The following ITGB5 variants were observed in gnomAD, a reference collection of about 807,000 sequenced individuals.
The protein encoded by ITGB5 is integrin beta-5.
A neutral mutation model predicts 84.8 loss-of-function variants in ITGB5; 38 were observed. The observed-to-expected ratio is 0.45, with a 90% CI of 0.35 to 0.59. ITGB5 has a LOEUF of 0.59. Among genes scored for constraint, ITGB5 ranks in the 20% least tolerant of loss-of-function variants. The pLI is 0.01. For missense variants in ITGB5, 905 were observed against 1,034.5 expected, an observed-to-expected ratio of 0.87 and a Z score of 1.72; for synonymous variants, 393 against 414.4, an observed-to-expected ratio of 0.95 and a Z score of 0.63.
At chr3:124,801,527 TGAG>T (rs2064315679) in intron 9 of ITGB5, among the ~76,000 whole-genome samples, 1 of 152,176 alleles carries the variant, frequency 6.6e-6, no homozygotes, top group Non-Finnish European at 1.5e-5. Flanking sequence ...GCTGTGATAA[TGAG>T]GAGGCGAGGT....
At chr3:124,849,229 A>G (rs1387301772) in intron 3 of ITGB5, among the ~76,000 whole-genome samples, 1 of 152,202 alleles carries the variant, frequency 6.6e-6, no homozygotes, top group Admixed American at 6.5e-5. Context: ...CCCACCAACC[A>G]CATACCAACT....
intron 9 of ITGB5, among the ~76,000 whole-genome samples, chr3:124,801,187 G>A (rs1267069290): frequency 6.6e-6 from 1 of 152,202 alleles, no homozygotes; most frequent in African/African-American, 2.4e-5. Flanking sequence ...TTCACTGGCT[G>A]CTTTGTGCTG....
At chr3:124,821,245 G>T in intron 6 of ITGB5, 68 bp downstream of exon 6, 2 of 1,525,036 alleles carry the variant, frequency 1.3e-6, no homozygotes, top group Non-Finnish European at 1.8e-6. Context: ...GGCTGGGCAA[G>T]TACTAAGACC....
chr3:124,794,880 A>G (rs1283694521), intron 10 of ITGB5, among the ~76,000 whole-genome samples: 31 of 152,168 alleles, frequency 2.0e-4, no homozygotes, highest in Non-Finnish European at 2.1e-4. Flanking sequence ...AAATAAAAAA[A>G]GGTGAATGTA....
chr3:124,799,482 C>T (rs563860984), intron 9 of ITGB5, among the ~76,000 whole-genome samples: 68 of 152,244 alleles, frequency 4.5e-4, no homozygotes, highest in African/African-American at 1.6e-3. Context: ...ATGGCTTGAG[C>T]CCGGGAGGGG....
intron 1 of ITGB5, among the ~76,000 whole-genome samples, chr3:124,897,254 T>C (rs375392290): frequency 7.9e-5 from 12 of 152,296 alleles, no homozygotes; most frequent in African/African-American, 2.9e-4. Context: ...TTTGTTTTTG[T>C]TGTTATTGTT....
rs752051463 is a variant in ITGB5 at position 124,766,212 on chromosome 3, C to T, written c.2137+14G>A. On this transcript the variant is annotated intron_variant, in intron 13 of 14. Transcript: ENST00000296181. ...GCTGGCTGAGTGGGCCGAGCCCTTG[C>T]AGCCCTCACCTACCTGGCTCCCTGA... 3 of 1,611,486 alleles carry T rather than the reference C, an allele frequency of 1.9e-6. No homozygotes were observed. Among genetic ancestry groups the T allele is most frequent in the Admixed American group, 1.7e-5 (1 of 59,772 alleles).
At chr3:124,804,535 A>G (rs1289661779) in intron 9 of ITGB5, among the ~76,000 whole-genome samples, 2 of 152,150 alleles carry the variant, frequency 1.3e-5, no homozygotes, top group African/African-American at 2.4e-5. Context: ...TAACAAGAGC[A>G]AGACCCTGTC....
intron 9 of ITGB5, among the ~76,000 whole-genome samples, chr3:124,802,165 G>A (rs1426587668): frequency 2.0e-5 from 3 of 152,206 alleles, no homozygotes; most frequent in South Asian, 2.1e-4. Context: ...ACCAGACTCT[G>A]AGCCCCTGAT....
At chr3:124,875,753 A>T (rs1229896845) in intron 1 of ITGB5, among the ~76,000 whole-genome samples, 1 of 152,234 alleles carries the variant, frequency 6.6e-6, no homozygotes, top group African/African-American at 2.4e-5. Context: ...CAATCAACAG[A>T]CAGATGAATA....
At chr3:124,803,821 G>A (rs968392505) in intron 9 of ITGB5, among the ~76,000 whole-genome samples, 4 of 152,198 alleles carry the variant, frequency 2.6e-5, no homozygotes, top group Non-Finnish European at 4.4e-5. Context: ...CCAAGAAGCC[G>A]GATAAAGGTG....
intron 11 of ITGB5, among the ~76,000 whole-genome samples, chr3:124,772,372 A>G (rs1396387565): frequency 6.6e-6 from 1 of 152,166 alleles, no homozygotes; most frequent in African/African-American, 2.4e-5. Flanking sequence ...CAAATGTCCA[A>G]CCAGGGGTTC....
chr3:124,775,586 T>C (rs1440851790), intron 10 of ITGB5, among the ~76,000 whole-genome samples: 2 of 152,222 alleles, frequency 1.3e-5, no homozygotes, highest in South Asian at 4.1e-4. Context: ...ATTATTTTTT[T>C]CCCTAATGCC....
chr3:124,803,676 G>A (rs1404580160), intron 9 of ITGB5, among the ~76,000 whole-genome samples: 1 of 152,196 alleles, frequency 6.6e-6, no homozygotes, highest in South Asian at 2.1e-4. Context: ...AGCAGTGCGC[G>A]AGCGCTGGGC....
At position 124,822,771 on chromosome 3, in the gene ITGB5, T is replaced by G. The variant is rs149730551; in HGVS notation, c.781-1297A>C. ...GCATGCCAGGCCCCACAGAAGGCAC[T>G]GGGTCCACAGAAAAGCTAGTTCCAG... is the stretch of plus-strand genomic sequence containing the variant. On this transcript the variant is annotated intron_variant, in intron 5 of 14. Coordinates refer to ENST00000296181, the MANE Select transcript of ITGB5 (RefSeq NM_002213.5). Among the ~76,000 whole-genome samples, 3 of 152,306 alleles carry G rather than the reference T, an allele frequency of 2.0e-5. No individual in the cohort carries two copies. The East Asian group carries it at 5.8e-4, about 29-fold the overall frequency.
chr3:124,788,972 T>C (rs1005624652), intron 10 of ITGB5, among the ~76,000 whole-genome samples: 1 of 152,128 alleles, frequency 6.6e-6, no homozygotes, highest in African/African-American at 2.4e-5. Context: ...GGTGGGAGGA[T>C]CCCTTGAGCC....
chr3:124,806,291 G>C (rs1371851464), intron 9 of ITGB5, among the ~76,000 whole-genome samples: 1 of 152,094 alleles, frequency 6.6e-6, no homozygotes, highest in Non-Finnish European at 1.5e-5. Context: ...TCCAAGTAAA[G>C]GGTTCCTTGT....
chr3:124,826,007 T>C (rs550034294), intron 5 of ITGB5, among the ~76,000 whole-genome samples: 13 of 152,320 alleles, frequency 8.5e-5, no homozygotes, highest in Admixed American at 1.3e-4. Context: ...TAAAATTATA[T>C]GTAAATATCT....
chr3:124,839,109 C>T (rs1003083309), intron 5 of ITGB5, among the ~76,000 whole-genome samples: 13 of 152,242 alleles, frequency 8.5e-5, no homozygotes, highest in Middle Eastern at 3.4e-3. Context: ...AAAGAAAAGG[C>T]AAAGAGAGAT....
Sources: allele counts gnomAD v4.1 joint callset (sites outside exome capture counted in the v4.1 genomes callset), GRCh38; gene constraint gnomAD v4.1.1; transcripts MANE v1.5; gene names NCBI Gene and HGNC (gene_info 2026-07-23, HGNC 2026-07-21).